Variants in TRIM14 observed in about 807,000 individuals in gnomAD.
TRIM14 encodes tripartite motif-containing protein 14.
A neutral mutation model predicts 44.5 loss-of-function variants in TRIM14; 28 were observed. The observed-to-expected ratio is 0.63, with a 90% CI of 0.47 to 0.86. The LOEUF (loss-of-function observed/expected upper bound fraction) is 0.86. Among genes scored for constraint, TRIM14 ranks in the 40% least tolerant of loss-of-function variants. The pLI is 0.00. For synonymous variants in TRIM14, 299 were observed against 269.2 expected (o/e 1.11, Z -1.08); for missense variants, 607 against 611.1 (o/e 0.99, Z 0.07).
downstream of TRIM14, among the ~76,000 whole-genome samples, chr9:98,068,342 G>A (rs1368649581): frequency 1.3e-5 from 2 of 151,822 alleles, no homozygotes; most frequent in Non-Finnish European, 2.9e-5. Context: ...GTTTCACCTT[G>A]TTGGTCAGGC....
chr9:98,053,802 A>AAAATAAATAAATAAAT, the TRIM14 span, among the ~76,000 whole-genome samples: 40,363 of 146,038 alleles, frequency 0.28, 5,916 homozygotes, highest in Admixed American at 0.35. Context: ...AGCCCACTAC[A>AAAATAAATAAATAAAT]AAATAAATAA....
chr9:98,044,433 G>A, the TRIM14 span, among the ~76,000 whole-genome samples: 3 of 146,260 alleles, frequency 2.1e-5, no homozygotes, highest in Non-Finnish European at 3.0e-5. Flanking sequence ...GAGTGCAGTG[G>A]CACCATCTCG....
chr9:98,038,316 T>G, the TRIM14 span, among the ~76,000 whole-genome samples: 2 of 152,140 alleles, frequency 1.3e-5, no homozygotes, highest in Admixed American at 6.6e-5. Context: ...CCTCCCAAAG[T>G]GCTGGGACTA....
At chr9:98,071,918 A>C (rs529127211) in intron 6 of TRIM14, among the ~76,000 whole-genome samples, 1 of 152,210 alleles carries the variant, frequency 6.6e-6, no homozygotes, top group Non-Finnish European at 1.5e-5. Flanking sequence ...AGGCGGAGTC[A>C]CTTCTTTAGG....
intron 1 of TRIM14, among the ~76,000 whole-genome samples, chr9:98,117,256 T>C (rs1827086401): frequency 6.6e-6 from 1 of 152,046 alleles, no homozygotes; most frequent in Non-Finnish European, 1.5e-5. Flanking sequence ...TTGGTGTTGT[T>C]CTGCCATAGA....
chr9:98,098,767 A>T (rs2118421626), intron 3 of TRIM14, among the ~76,000 whole-genome samples: 2 of 152,164 alleles, frequency 1.3e-5, no homozygotes, highest in Middle Eastern at 6.8e-3. Flanking sequence ...TAAATGTAGC[A>T]ATGACTATCC....
At chr9:98,110,228 A>C in intron 1 of TRIM14, 1 of 498,044 alleles carries the variant, frequency 2.0e-6, no homozygotes, top group Non-Finnish European at 3.6e-6. Flanking sequence ...CTCACACTTT[A>C]CTTTATCTAG....
chr9:98,079,955 A>C (rs998323646), downstream of TRIM14, among the ~76,000 whole-genome samples: 14 of 152,204 alleles, frequency 9.2e-5, no homozygotes, highest in African/African-American at 3.1e-4. Flanking sequence ...GGCTCATGCC[A>C]GTAGTCCCAG....
At chr9:98,051,924 A>G in the TRIM14 span, among the ~76,000 whole-genome samples, 1 of 151,860 alleles carries the variant, frequency 6.6e-6, no homozygotes, top group East Asian at 1.9e-4. Context: ...AGATGTTTCC[A>G]TGCCTCTAGG....
chr9:98,083,192 G>A (rs1467979028), downstream of TRIM14: 4 of 784,484 alleles, frequency 5.1e-6, no homozygotes, highest in East Asian at 8.0e-5. Context: ...GACAGCAGAT[G>A]TTTCTGGGCT....
At chr9:98,094,578 T>A (rs1826113830) in intron 4 of TRIM14, among the ~76,000 whole-genome samples, 1 of 152,196 alleles carries the variant, frequency 6.6e-6, no homozygotes, top group Non-Finnish European at 1.5e-5. Flanking sequence ...GAGTTGGTCA[T>A]TCCAGCTGGG....
At chr9:98,036,912 G>C in the TRIM14 span, among the ~76,000 whole-genome samples, 1 of 152,230 alleles carries the variant, frequency 6.6e-6, no homozygotes, top group South Asian at 2.1e-4. Context: ...ACAATGCAAG[G>C]CTCCAGGCAA....
downstream of TRIM14, among the ~76,000 whole-genome samples, chr9:98,079,472 C>CTT (rs10647613): frequency 0.61 from 93,090 of 151,848 alleles, 31,445 homozygotes; most frequent in African/African-American, 0.9. Flanking sequence ...CAGCCATTAA[C>CTT]TTAAAAAGTT....
At chr9:98,043,356 T>C in the TRIM14 span, among the ~76,000 whole-genome samples, 1 of 152,146 alleles carries the variant, frequency 6.6e-6, no homozygotes, top group East Asian at 1.9e-4. Flanking sequence ...TTTTGTATTT[T>C]TAGTTTTGCC....
chr9:98,060,704 T>C, the TRIM14 span: 6 of 1,268,126 alleles, frequency 4.7e-6, no homozygotes, highest in Admixed American at 3.5e-5. Context: ...GGTGATGTCA[T>C]AGTGGTTGCT....
At position 98,087,098 on chromosome 9, in the gene TRIM14, C is replaced by G. The variant is rs1037550540; in HGVS notation, c.*372G>C. 1.3e-5 allele frequency: 6 copies of G among 466,104 alleles called. No individual in the cohort carries two copies. Among genetic ancestry groups the G allele is most frequent in the Non-Finnish European group, 2.5e-5 (6 of 236,722 alleles). The allele number at this position is 466,104 out of a possible 1,614,324, so 28.9% of individuals were successfully genotyped here. A position where few individuals can be genotyped will look rare whatever the true frequency, so the allele number is the denominator to read the frequency against. ...TTCACAAACGTTTACTGTGTGCCTA[C>G]TATGTGTCAGGTTCCTGTGCTGTAC... is the stretch of plus-strand genomic sequence containing the variant. On this transcript the variant is annotated 3_prime_UTR_variant, in exon 6 of 6. Coordinates refer to ENST00000341469, the MANE Select transcript of TRIM14 (RefSeq NM_014788.4).
intron 6 of TRIM14, chr9:98,075,298 AG>A (rs1315726730): frequency 6.6e-6 from 1 of 150,710 alleles, no homozygotes; most frequent in Non-Finnish European, 1.5e-5. Flanking sequence ...ACAAAAGAAA[AG>A]AAAAAGATGG....
chr9:98,098,652 C>T (rs1329890693), intron 3 of TRIM14, among the ~76,000 whole-genome samples: 3 of 151,154 alleles, frequency 2.0e-5, no homozygotes, highest in Non-Finnish European at 2.9e-5. Context: ...TGCTGTAAGC[C>T]GAGATCACAC....
chr9:98,056,633 G>A, the TRIM14 span: 3 of 990,536 alleles, frequency 3.0e-6, no homozygotes, highest in Non-Finnish European at 4.2e-6. Context: ...CCCCCGCCCC[G>A]ATTGGCTGTC....
Sources: gnomAD v4.1 joint callset for allele counts (sites outside exome capture counted in the v4.1 genomes callset) on GRCh38, gnomAD v4.1.1 for gene constraint, MANE v1.5 for transcripts, NCBI Gene and HGNC (gene_info 2026-07-23, HGNC 2026-07-21) for gene names.